TENM1: variants seen among roughly 807,000 people sequenced by gnomAD.
TENM1 encodes teneurin transmembrane protein 1, also known as teneurin-1.
TENM1 carries 35 observed loss-of-function variants against 174.8 expected under a neutral mutation model. The observed-to-expected ratio is 0.20, with a 90% CI of 0.15 to 0.27. The LOEUF (loss-of-function observed/expected upper bound fraction) is 0.27, where lower values mean the gene tolerates loss of function less well. TENM1 is among the 10% of genes least tolerant of loss of function. The pLI, the probability that TENM1 is intolerant of heterozygous loss-of-function variation, is 1.00. For synonymous variants in TENM1, 781 were observed against 798.7 expected, an observed-to-expected ratio of 0.98 and a Z score of 0.37; for missense variants, 1,633 against 2,130.1, an observed-to-expected ratio of 0.77 and a Z score of 4.59.
chrX:124,947,614 C>T (rs1451161080), intron 1 of TENM1, among the ~76,000 whole-genome samples: 1 of 112,002 alleles, frequency 8.9e-6, no homozygotes, highest in South Asian at 3.7e-4. Flanking sequence ...TGGGTAAGCA[C>T]GAGGATTTAC....
At chrX:124,683,510 A>G (rs1435063042) in intron 5 of TENM1, among the ~76,000 whole-genome samples, 1 of 112,017 alleles carries the variant, frequency 8.9e-6, no homozygotes, top group Non-Finnish European at 1.9e-5. Context: ...TATTTTTTCC[A>G]TCAATCTCAG....
intron 18 of TENM1, among the ~76,000 whole-genome samples, chrX:124,513,259 C>G (rs1324450072): frequency 3.6e-5 from 4 of 110,974 alleles, no homozygotes; most frequent in Non-Finnish European, 7.6e-5. Flanking sequence ...GTTTGTGGCT[C>G]TCTTCCCTCA....
chrX:124,955,247 A>C (rs373509338), intron 1 of TENM1, among the ~76,000 whole-genome samples: 2 of 95,854 alleles, frequency 2.1e-5, no homozygotes, highest in African/African-American at 1.2e-4. Flanking sequence ...CCCCAAGGAT[A>C]TTTTTTTTAA....
intron 5 of TENM1, among the ~76,000 whole-genome samples, chrX:124,676,554 G>C (rs2052091595): frequency 9.4e-6 from 1 of 106,080 alleles, no homozygotes; most frequent in Non-Finnish European, 1.9e-5. Flanking sequence ...CAATTGCAAA[G>C]AGCTGTGCTC....
intron 1 of TENM1, among the ~76,000 whole-genome samples, chrX:124,919,072 A>T (rs1270395491): frequency 1.8e-5 from 2 of 111,987 alleles, no homozygotes; most frequent in African/African-American, 6.5e-5. Context: ...GCTTACTTCA[A>T]ATTATCTCTT....
intron 6 of TENM1, among the ~76,000 whole-genome samples, chrX:124,664,530 AAG>A (rs1444308270): frequency 5.9e-5 from 6 of 102,193 alleles, no homozygotes; most frequent in African/African-American, 1.8e-4. Context: ...GATAAAGCAA[AAG>A]AAAAAAAAAA....
At chrX:124,607,480 C>T (rs1172262286) in intron 11 of TENM1, among the ~76,000 whole-genome samples, 1 of 110,480 alleles carries the variant, frequency 9.1e-6, no homozygotes, top group Admixed American at 9.7e-5. Flanking sequence ...AAGAAATGTT[C>T]TAAAACAGGA....
chrX:124,804,668 T>C (rs2055546144), intron 3 of TENM1, among the ~76,000 whole-genome samples: 1 of 111,822 alleles, frequency 8.9e-6, no homozygotes, highest in African/African-American at 3.2e-5. Context: ...CCAACAGACA[T>C]TAACAAGGAC....
chrX:124,456,534 G>T (rs1156914039), intron 22 of TENM1, among the ~76,000 whole-genome samples: 1 of 111,630 alleles, frequency 9.0e-6, no homozygotes, highest in African/African-American at 3.3e-5. Flanking sequence ...AAATCAAATT[G>T]GAAACCCCAG....
the TENM1 span, among the ~76,000 whole-genome samples, chrX:125,097,589 A>G: frequency 8.9e-6 from 1 of 112,309 alleles, no homozygotes; most frequent in East Asian, 2.8e-4. Context: ...AGCCCCACTG[A>G]TTTTTAGTTC....
intron 25 of TENM1, among the ~76,000 whole-genome samples, chrX:124,410,281 A>G (rs2060517968): frequency 8.9e-6 from 1 of 112,295 alleles, no homozygotes; most frequent in Non-Finnish European, 1.9e-5. Flanking sequence ...AGGATTCCCT[A>G]TTTAATAAAT....
At chrX:124,675,602 TG>T (rs1688942371) in intron 5 of TENM1, among the ~76,000 whole-genome samples, 1 of 103,652 alleles carries the variant, frequency 9.6e-6, no homozygotes, top group Non-Finnish European at 1.9e-5. Context: ...AACCAGGCAC[TG>T]TTTTTTTTTT....
chrX:124,623,818 G>T, intron 11 of TENM1, among the ~76,000 whole-genome samples: 1 of 111,738 alleles, frequency 8.9e-6, no homozygotes. Flanking sequence ...CAAAGCGATT[G>T]AGGATACTTT....
chrX:125,198,511 CTCTT>C, the TENM1 span, among the ~76,000 whole-genome samples: 3 of 111,767 alleles, frequency 2.7e-5, no homozygotes, highest in African/African-American at 9.7e-5. Context: ...AATCAAACTT[CTCTT>C]TCTGTGATTA....
At chrX:124,712,152 A>C (rs1355334804) in intron 4 of TENM1, among the ~76,000 whole-genome samples, 2 of 112,314 alleles carry the variant, frequency 1.8e-5, no homozygotes, top group East Asian at 5.6e-4. Context: ...CTGTAAACAT[A>C]GAAGGTGTGC....
intron 23 of TENM1, among the ~76,000 whole-genome samples, chrX:124,432,790 A>G (rs2060795031): frequency 9.0e-6 from 1 of 111,679 alleles, no homozygotes; most frequent in Admixed American, 9.6e-5. Context: ...CTTATTTGCA[A>G]TTATCTGTAG....
chrX:125,053,471 A>C, the TENM1 span, among the ~76,000 whole-genome samples: 1 of 111,966 alleles, frequency 8.9e-6, no homozygotes, highest in Admixed American at 9.5e-5. Flanking sequence ...TAGATTAGTG[A>C]TTTTCAAAGT....
At chrX:124,678,630 C>A (rs140746905) in intron 5 of TENM1, among the ~76,000 whole-genome samples, 1,377 of 111,228 alleles carry the variant, frequency 0.012, 10 homozygotes, top group South Asian at 0.022. Context: ...GCAGCAGAAC[C>A]ATTCAGCAAT....
intron 14 of TENM1, among the ~76,000 whole-genome samples, chrX:124,556,411 G>A (rs188484287): frequency 9.0e-6 from 1 of 111,351 alleles, no homozygotes; most frequent in African/African-American, 3.3e-5. Flanking sequence ...AAGGCATTTT[G>A]TTTGTTGTCT....
Sources: allele counts gnomAD v4.1 joint callset (sites outside exome capture counted in the v4.1 genomes callset), GRCh38; gene constraint gnomAD v4.1.1; transcripts MANE v1.5; gene names NCBI Gene and HGNC (gene_info 2026-07-23, HGNC 2026-07-21).